The following LONRF3 variants were observed in gnomAD, a reference collection of about 807,000 sequenced individuals.
LONRF3 encodes LON peptidase N-terminal domain and ring finger 3.
A neutral mutation model predicts 51.7 loss-of-function variants in LONRF3; 19 were observed. The ratio of observed to expected loss-of-function variants is 0.37; its 90% CI spans 0.26 to 0.54. The LOEUF (loss-of-function observed/expected upper bound fraction) is 0.54. Ranked by LOEUF, LONRF3 falls within the 20% of genes least tolerant of loss-of-function variation. The pLI is 0.86. For missense variants in LONRF3, 521 were observed against 623.9 expected (o/e 0.84, Z 1.76); for synonymous variants, 265 against 257.8 (o/e 1.03, Z -0.27).
At chrX:119,011,683 C>T in intron 7 of LONRF3, 132 bp from the exon 8 acceptor site, 1 of 577,828 alleles carries the variant, frequency 1.7e-6, no homozygotes. Flanking sequence ...GTATCTTTGG[C>T]AAGTGACACT....
At chrX:118,986,094 ACACACAC>A (rs1922942560) in intron 3 of LONRF3, among the ~76,000 whole-genome samples, 1 of 88,423 alleles carries the variant, frequency 1.1e-5, no homozygotes, top group African/African-American at 4.3e-5. Context: ...ACACACACAC[ACACACAC>A]AATCCTTGCT....
rs1444038554 is a variant in LONRF3, at chrX:118,980,756, T to G, written c.937-2065T>G. Among the ~76,000 whole-genome samples, 5 of 111,596 alleles carry G rather than the reference T, an allele frequency of 4.5e-5. No homozygotes were observed. The Admixed American group carries it at 4.8e-4, about 11-fold the overall frequency. On this transcript the variant is annotated intron_variant, in intron 2 of 10. Transcript: ENST00000371628. ...GCCTAGGAGTAAGAGGACTTGCAACTCTTTCCACCTCCACCCTAAGCCTAG... is the reference window on the plus strand; with the variant it reads ...GCCTAGGAGTAAGAGGACTTGCAACGCTTTCCACCTCCACCCTAAGCCTAG...
Position 118,975,268 on chromosome X carries a change from G to C in LONRF3, c.488G>C (p.Gly163Ala). ...GGCTTTAAGTGCCGGAAATGTCATGGGTTTCTATCAGACCCCGTGTCCTTG... is the reference window on the plus strand; with the variant it reads ...GGCTTTAAGTGCCGGAAATGTCATGCGTTTCTATCAGACCCCGTGTCCTTG... ...WDGFKCRKCH[G>A]FLSDPVSLSC... Residue 163 changes from glycine (G) to alanine (A), a missense_variant, in exon 1 of 11, where the codon GGG becomes GCG. Around this residue, in one of 2 missense-constraint regions of LONRF3, gnomAD observed 376 missense variants for 376.7 expected, o/e 1.00. Transcript: ENST00000371628. 1 of 1,210,046 alleles carries C rather than the reference G, an allele frequency of 8.3e-7. No homozygotes were observed. Among genetic ancestry groups the C allele is most frequent in the Non-Finnish European group, 1.1e-6 (1 of 895,031 alleles).
In LONRF3 at chrX:119,017,733, G is replaced by A. The variant is rs369410971; in HGVS notation, c.*43G>A. 175 of 1,093,708 alleles carry A rather than the reference G, an allele frequency of 1.6e-4. 1 individual carries two copies. Among genetic ancestry groups the A allele is most frequent in the Middle Eastern group, 1.3e-3 (5 of 3,953 alleles). 90.1% of individuals were successfully genotyped at this position (1,093,708 alleles called of 1,213,427 possible). A position where few individuals can be genotyped will look rare whatever the true frequency, so the allele number is the denominator to read the frequency against. On this transcript the variant is annotated 3_prime_UTR_variant, in exon 11 of 11. Coordinates refer to ENST00000371628, the MANE Select transcript of LONRF3 (RefSeq NM_001031855.3). ...AGGAGCTCCCACCTTCCCCACTGCC[G>A]TCGGGGGGAGTCTTCTTGTAAATAT...
intron 9 of LONRF3, among the ~76,000 whole-genome samples, chrX:119,013,586 T>C (rs992719417): frequency 2.7e-5 from 3 of 111,970 alleles, no homozygotes; most frequent in African/African-American, 9.7e-5. Flanking sequence ...CAATTATAGA[T>C]CCACACATGC....
intron 5 of LONRF3, among the ~76,000 whole-genome samples, chrX:119,000,775 T>TTCTCTCTCTCTCTCTC (rs200671696): frequency 1.8e-5 from 1 of 55,852 alleles, no homozygotes; most frequent in Non-Finnish European, 3.3e-5. Context: ...TTCACTCTCA[T>TTCTCTCTCTCTCTCTC]TCTCTCTCTC....
At chrX:119,016,168 C>T (rs1925434497) in intron 10 of LONRF3, among the ~76,000 whole-genome samples, 1 of 111,458 alleles carries the variant, frequency 9.0e-6, no homozygotes, top group Non-Finnish European at 1.9e-5. Flanking sequence ...CTCTATAGTC[C>T]TAAAACCAAA....
At chrX:119,011,733 G>A (rs1348174676) in intron 7 of LONRF3, 82 bp from the exon 8 acceptor site, 3 of 1,016,655 alleles carry the variant, frequency 3.0e-6, no homozygotes, top group Non-Finnish European at 2.7e-6. Context: ...TCCCCCAGGG[G>A]TATCACATGC....
chrX:118,978,501 T>C, intron 2 of LONRF3, 38 bp downstream of exon 2: 1 of 950,608 alleles, frequency 1.1e-6, no homozygotes, highest in South Asian at 2.2e-5. Context: ...GGGGTTGTAC[T>C]GTAGACAGGT....
intron 5 of LONRF3, among the ~76,000 whole-genome samples, chrX:119,005,124 C>T (rs906669226): frequency 3.6e-5 from 4 of 111,681 alleles, no homozygotes; most frequent in African/African-American, 1.3e-4. Flanking sequence ...ACGAGGGAGC[C>T]GTGCAGCTGG....
In LONRF3 at chrX:119,012,712, C is replaced by T. The variant is rs183596558; in HGVS notation, c.1812-327C>T. On this transcript the variant is annotated intron_variant, in intron 8 of 10. Coordinates refer to ENST00000371628, the MANE Select transcript of LONRF3 (RefSeq NM_001031855.3). The stretch of plus-strand genomic sequence containing the variant: ...ATTCATGAGGGTGGAGGCCTAATCA[C>T]CTCTTAAATGTCCCACCTCTTAATA... 2.0e-4 allele frequency among the ~76,000 whole-genome samples: 22 copies of T among 112,306 alleles called. No homozygotes were observed. In the East Asian group the frequency reaches 5.3e-3, roughly 27 times the overall value.
chrX:118,993,609 G>A (rs184895932), intron 5 of LONRF3, among the ~76,000 whole-genome samples: 30 of 111,704 alleles, frequency 2.7e-4, no homozygotes, highest in African/African-American at 9.4e-4. Flanking sequence ...GTATTTGGGG[G>A]AATAATCGAG....
intron 5 of LONRF3, among the ~76,000 whole-genome samples, chrX:118,995,588 A>G (rs1350592417): frequency 8.9e-6 from 1 of 112,410 alleles, no homozygotes; most frequent in Non-Finnish European, 1.9e-5. Flanking sequence ...TTGATAGACC[A>G]TTAGCAAGAT....
chrX:119,002,949 C>T (rs1301817898), intron 5 of LONRF3, among the ~76,000 whole-genome samples: 2 of 110,065 alleles, frequency 1.8e-5, no homozygotes, highest in Admixed American at 9.7e-5. Context: ...CAGGCATGCA[C>T]CACCACAGTC....
intron 6 of LONRF3, among the ~76,000 whole-genome samples, chrX:119,007,654 G>A (rs1171699667): frequency 1.8e-5 from 2 of 111,854 alleles, no homozygotes; most frequent in Non-Finnish European, 3.8e-5. Context: ...GTCACATGTT[G>A]AGCTTTACCA....
At chrX:118,984,573 T>C (rs1296444130) in intron 3 of LONRF3, among the ~76,000 whole-genome samples, 2 of 112,148 alleles carry the variant, frequency 1.8e-5, no homozygotes, top group African/African-American at 6.5e-5. Flanking sequence ...ACTGTTGTCA[T>C]TTCCACAGCT....
Position 118,975,405 on chromosome X carries a change from G to C in LONRF3, c.625G>C (p.Ala209Pro). 3 of 1,200,048 alleles carry C rather than the reference G, an allele frequency of 2.5e-6. No homozygotes were observed. Among genetic ancestry groups the C allele is most frequent in the Non-Finnish European group, 3.4e-6 (3 of 889,852 alleles). Reference protein sequence around the residue: ...LSALMVATGRARGARRAGQQP... With the variant: ...LSALMVATGRPRGARRAGQQP... Reference sequence around the variant, plus strand: ...CGCCTTGATGGTGGCCACTGGGCGGGCGCGTGGAGCCCGGCGGGCTGGGCA... The same window carrying C: ...CGCCTTGATGGTGGCCACTGGGCGGCCGCGTGGAGCCCGGCGGGCTGGGCA... The change falls in exon 1 of 11, where the codon GCG (alanine) becomes CCG (proline). Residue 209 changes from alanine to proline, a missense_variant. Transcript: ENST00000371628.
intron 10 of LONRF3, among the ~76,000 whole-genome samples, chrX:119,016,799 C>T (rs1304178444): frequency 1.8e-5 from 2 of 111,685 alleles, no homozygotes; most frequent in African/African-American, 3.3e-5. Context: ...TGGACTATTG[C>T]CTTCAGCCAC....
chrX:119,009,044 T>A, intron 6 of LONRF3, 82 bp from the exon 7 acceptor site: 1 of 878,831 alleles, frequency 1.1e-6, no homozygotes. Context: ...ATTTGACTTG[T>A]TCACTGATTA....
Sources: allele counts gnomAD v4.1 joint callset (sites outside exome capture counted in the v4.1 genomes callset), GRCh38; gene constraint gnomAD v4.1.1; regional missense constraint gnomAD v4.1.1; transcripts MANE v1.5; gene names NCBI Gene and HGNC (gene_info 2026-07-23, HGNC 2026-07-21).